Variants in THRB observed in about 807,000 individuals in gnomAD.
THRB encodes the protein thyroid hormone receptor beta, also known as nuclear receptor subfamily 1 group A member 2.
THRB carries 12 observed loss-of-function variants against 47.8 expected under a neutral mutation model. The ratio of observed to expected loss-of-function variants is 0.25; its 90% CI spans 0.16 to 0.41. THRB has a LOEUF of 0.41. THRB is among the 10% of genes least tolerant of loss of function. The pLI is 1.00. For synonymous variants in THRB, 218 were observed against 212.2 expected, an observed-to-expected ratio of 1.03 and a Z score of -0.24; for missense variants, 348 against 589.2, an observed-to-expected ratio of 0.59 and a Z score of 4.24.
rs755653928 is a variant in THRB, at chr3:24,190,244, T to C, written c.113A>G (p.His38Arg). The change falls in exon 5 of 11, where the codon CAT becomes CGT. Residue 38 changes from histidine to arginine, a missense_variant. Transcript: ENST00000646209. ...KLVGMSEACL[H>R]RKSHSERRST... is the part of the protein sequence containing the mutation. Reference sequence around the variant, plus strand: ...GCGCCTCTCTGAATGGCTCTTCCTATGTAGGCAGGCTTCAGACATTCCTAC... The same window carrying C: ...GCGCCTCTCTGAATGGCTCTTCCTACGTAGGCAGGCTTCAGACATTCCTAC... 11 of 1,614,104 alleles carry C rather than the reference T, an allele frequency of 6.8e-6. No individual in the cohort carries two copies. The South Asian group carries it at 8.8e-5, about 13-fold the overall frequency.
At chr3:24,288,485 T>A (rs2055568014) in intron 3 of THRB, among the ~76,000 whole-genome samples, 1 of 152,220 alleles carries the variant, frequency 6.6e-6, no homozygotes, top group Non-Finnish European at 1.5e-5. Context: ...TCTTTTTTTT[T>A]AACCCCTTGT....
chr3:24,129,649 T>G (rs2033499295), intron 9 of THRB, among the ~76,000 whole-genome samples: 1 of 152,236 alleles, frequency 6.6e-6, no homozygotes, highest in Non-Finnish European at 1.5e-5. Context: ...TTTCAACACG[T>G]GGGCAAATAA....
intron 3 of THRB, among the ~76,000 whole-genome samples, chr3:24,254,016 C>T (rs1330345886): frequency 6.7e-6 from 1 of 149,590 alleles, no homozygotes; most frequent in African/African-American, 2.5e-5. Flanking sequence ...CTTGTTTGGA[C>T]CCTGAGTCTA....
rs527428498 is a variant in THRB at position 24,185,003 on chromosome 3, CTT to C, written c.283+5069_283+5070del. Among the ~76,000 whole-genome samples, 36 of 152,274 alleles carry C rather than the reference CTT, an allele frequency of 2.4e-4. No homozygotes were observed. In the East Asian group the frequency reaches 6.7e-3, roughly 29 times the overall value. ...ATTTATGTCTCCAACTTTTAAGACA[CTT>C]TGTTATTTTGGTAAATGAGAATGGC... On this transcript the variant is annotated intron_variant, in intron 5 of 10. Transcript: ENST00000646209.
chr3:24,411,947 C>G (rs2068340708), intron 1 of THRB, among the ~76,000 whole-genome samples: 1 of 151,622 alleles, frequency 6.6e-6, no homozygotes, highest in Admixed American at 6.6e-5. Context: ...AAATCAGCAC[C>G]CTGAAAGAGT....
chr3:24,264,881 C>A (rs1378652785), intron 3 of THRB, among the ~76,000 whole-genome samples: 1 of 151,876 alleles, frequency 6.6e-6, no homozygotes, highest in African/African-American at 2.4e-5. Context: ...GCAGAGGGCC[C>A]CAGAACCGTA....
intron 9 of THRB, 81 bp from the exon 10 acceptor site, chr3:24,127,838 T>A: frequency 6.9e-7 from 1 of 1,455,094 alleles, no homozygotes; most frequent in South Asian, 1.1e-5. Flanking sequence ...TTAAAAGCAA[T>A]AGGAATAACC....
Position 24,290,215 on chromosome 3 carries a change from G to C in THRB, c.-43+7011C>G, listed in dbSNP as rs115984900. Among the ~76,000 whole-genome samples the C allele has an allele frequency of 7.0e-3, 1,064 of 152,256 alleles. 14 individuals are homozygous for C. Among genetic ancestry groups the C allele is most frequent in the African/African-American group, 0.024 (1,003 of 41,546 alleles). On this transcript the variant is annotated intron_variant, in intron 3 of 10. Transcript: ENST00000646209. ...TGGTGCTTAGTTACGTTTCTTTTGA[G>C]ATATGAAGGGGTGGGGTTGGGGGGA...
At chr3:24,153,533 T>C (rs2037340483) in intron 5 of THRB, among the ~76,000 whole-genome samples, 1 of 152,222 alleles carries the variant, frequency 6.6e-6, no homozygotes, top group African/African-American at 2.4e-5. Context: ...CTCTCTTTTT[T>C]AGTGGACAAT....
intron 1 of THRB, among the ~76,000 whole-genome samples, chr3:24,481,235 T>A (rs1696334295): frequency 1.4e-5 from 2 of 138,192 alleles, no homozygotes; most frequent in Admixed American, 1.4e-4. Flanking sequence ...TTCTGTTTTT[T>A]TTTTTTTTTT....
At chr3:24,386,182 C>A (rs970004494) in intron 1 of THRB, among the ~76,000 whole-genome samples, 22 of 152,242 alleles carry the variant, frequency 1.4e-4, no homozygotes, top group African/African-American at 5.1e-4. Flanking sequence ...AGCTCCTGCT[C>A]TCTCTACATG....
chr3:24,346,916 A>G (rs1242544797), intron 1 of THRB, among the ~76,000 whole-genome samples: 1 of 151,990 alleles, frequency 6.6e-6, no homozygotes, highest in Non-Finnish European at 1.5e-5. Flanking sequence ...GGTGATGAAC[A>G]CATTTGACCT....
chr3:24,179,616 C>T (rs60332489), intron 5 of THRB, among the ~76,000 whole-genome samples: 1 of 152,200 alleles, frequency 6.6e-6, no homozygotes, highest in Non-Finnish European at 1.5e-5. Context: ...GTACAATTTA[C>T]TCAACCTTGA....
intron 2 of THRB, among the ~76,000 whole-genome samples, chr3:24,320,533 C>G (rs551044191): frequency 2.8e-4 from 43 of 152,252 alleles, no homozygotes; most frequent in African/African-American, 9.6e-4. Context: ...GAACATGTTT[C>G]TGAGTTGAGA....
intron 1 of THRB, among the ~76,000 whole-genome samples, chr3:24,378,359 T>C (rs981127718): frequency 6.6e-6 from 1 of 152,204 alleles, no homozygotes; most frequent in Non-Finnish European, 1.5e-5. Flanking sequence ...GAAACGCTAA[T>C]AAATCTAATC....
Position 24,360,222 on chromosome 3 carries a change from T to C in THRB, c.-260-22851A>G, listed in dbSNP as rs2063966664. Among the ~76,000 whole-genome samples the C allele has an allele frequency of 3.9e-5, 6 of 152,156 alleles. No individual in the cohort carries two copies. In the South Asian group the frequency reaches 1.2e-3, roughly 32 times the overall value. ...TTTAACCCTAACAGCACTCCAAGGG[T>C]GGGAATTGTTATGCTGATTTTTAAG... On this transcript the variant is annotated intron_variant, in intron 1 of 10. Coordinates refer to ENST00000646209, the MANE Select transcript of THRB (RefSeq NM_001354712.2).
At chr3:24,257,570 G>A (rs1319678799) in intron 3 of THRB, among the ~76,000 whole-genome samples, 3 of 152,138 alleles carry the variant, frequency 2.0e-5, no homozygotes, top group African/African-American at 4.8e-5. Flanking sequence ...TCTGAACAGA[G>A]CTAGATAATA....
rs1442815944 is a variant in THRB at position 24,284,218 on chromosome 3, G to T, written c.-43+13008C>A. On this transcript the variant is annotated intron_variant, in intron 3 of 10. Coordinates refer to ENST00000646209, the MANE Select transcript of THRB (RefSeq NM_001354712.2). ...ACAGTAACCAAAACAGCATGGTACT[G>T]GTACCAAAACAGAGATATAGATCAA... Among the ~76,000 whole-genome samples the T allele has an allele frequency of 4.6e-5, 7 of 151,228 alleles. No homozygotes were observed. In the East Asian group the frequency reaches 1.4e-3, roughly 29 times the overall value.
chr3:24,158,823 C>T (rs1208515442), intron 5 of THRB, among the ~76,000 whole-genome samples: 1 of 146,886 alleles, frequency 6.8e-6, no homozygotes, highest in African/African-American at 2.6e-5. Context: ...ATTAAGCAGC[C>T]ATTGTAAGAC....
Sources: gnomAD v4.1 joint callset for allele counts (sites outside exome capture counted in the v4.1 genomes callset) on GRCh38, gnomAD v4.1.1 for gene constraint, MANE v1.5 for transcripts, NCBI Gene and HGNC (gene_info 2026-07-23, HGNC 2026-07-21) for gene names.